The following AHRR variants were observed in gnomAD, a reference collection of about 807,000 sequenced individuals.
The protein encoded by AHRR is ahR repressor.
AHRR carries 28 observed loss-of-function variants against 44.0 expected under a neutral mutation model. The observed-to-expected ratio is 0.64, with a 90% CI of 0.47 to 0.87. The LOEUF (loss-of-function observed/expected upper bound fraction) is 0.87, where lower values mean the gene tolerates loss of function less well. Among genes scored for constraint, AHRR ranks in the 40% least tolerant of loss-of-function variants. The pLI is 0.00. For synonymous variants in AHRR, 434 were observed against 407.0 expected, an observed-to-expected ratio of 1.07 and a Z score of -0.80; for missense variants, 990 against 953.9, an observed-to-expected ratio of 1.04 and a Z score of -0.50.
chr5:407,632 C>T (rs553824780), intron 4 of AHRR, among the ~76,000 whole-genome samples: 6 of 152,270 alleles, frequency 3.9e-5, no homozygotes, highest in African/African-American at 1.4e-4. Context: ...CTCTGCCTCC[C>T]GGGCTCAAGC....
At chr5:375,877 T>A (rs192034753) in intron 3 of AHRR, among the ~76,000 whole-genome samples, 556 of 152,280 alleles carry the variant, frequency 3.7e-3, no homozygotes, top group Admixed American at 0.011. Context: ...AAGGTGAACG[T>A]GTCATCTGTC....
At chr5:386,585 C>G (rs1357737033) in intron 4 of AHRR, among the ~76,000 whole-genome samples, 1 of 152,236 alleles carries the variant, frequency 6.6e-6, no homozygotes, top group Non-Finnish European at 1.5e-5. Context: ...GGAAAAGCAG[C>G]AAGATGGTTC....
intron 2 of AHRR, among the ~76,000 whole-genome samples, chr5:348,880 AG>A (rs1398203418): frequency 1.3e-5 from 2 of 152,252 alleles, no homozygotes; most frequent in Non-Finnish European, 2.9e-5. Context: ...GTGACACAGC[AG>A]GTGCACGTTT....
rs149625880 is a variant in AHRR at position 382,891 on chromosome 5, T to C, written c.351+6175T>C. 3.6e-3 allele frequency among the ~76,000 whole-genome samples: 552 copies of C among 152,310 alleles called. 6 individuals carry two copies. The highest frequency in any genetic ancestry group is 0.019 in the East Asian group (101 of 5,186). ...TTTTTAACTAACCATTCTTACTCTG[T>C]AATATAAGCATTTAATGCTATGAGC... On this transcript the variant is annotated intron_variant, in intron 4 of 10. Coordinates refer to ENST00000684583, the MANE Select transcript of AHRR (RefSeq NM_001377236.1).
At chr5:340,688 A>ATATATATATATATATATTTTTT (rs1269938749) in intron 1 of AHRR, among the ~76,000 whole-genome samples, 2 of 12,928 alleles carry the variant, frequency 1.5e-4, no homozygotes, top group Non-Finnish European at 2.5e-4. Context: ...ATATATATAT[A>ATATATATATATATATATTTTTT]TTTTTTTTTT....
At chr5:382,268 A>G (rs1308957306) in intron 4 of AHRR, among the ~76,000 whole-genome samples, 33 of 152,250 alleles carry the variant, frequency 2.2e-4, no homozygotes, top group Non-Finnish European at 1.5e-5. Flanking sequence ...AATGTTTGGT[A>G]GAATTCATTA....
chr5:430,799 C>T (rs1448306911), intron 8 of AHRR, among the ~76,000 whole-genome samples: 5 of 152,186 alleles, frequency 3.3e-5, no homozygotes, highest in African/African-American at 1.2e-4. Context: ...GCTCCAGGGA[C>T]GGCCAGGACA....
In AHRR at chr5:367,831, G is replaced by C. The variant is rs1743416757; in HGVS notation, c.245-8779G>C. On this transcript the variant is annotated intron_variant, in intron 3 of 10. Coordinates refer to ENST00000684583, the MANE Select transcript of AHRR (RefSeq NM_001377236.1). ...AGGACAGGGGTTGGCAGTGGCAGAT[G>C]CCGAAGATGTGGATGACCACACGGG... 1.7e-5 allele frequency: 12 copies of C among 702,540 alleles called. No homozygotes were observed. In the South Asian group the frequency reaches 1.8e-4, roughly 10 times the overall value. The allele number at this position is 702,540 out of a possible 1,614,324, so 43.5% of individuals were successfully genotyped here.
intron 4 of AHRR, among the ~76,000 whole-genome samples, chr5:391,389 A>C (rs565490966): frequency 0.051 from 4,058 of 79,870 alleles, 71 homozygotes; most frequent in African/African-American, 0.12. Flanking sequence ...CAGGGCGAGG[A>C]GGGCGCAGGG....
chr5:432,930 C>T lies in AHRR; in HGVS notation c.1095C>T (p.Asp365=). The part of the protein sequence containing the change: ...CLRGGPDLVL[D]PKGGSGDREE... ...GGGGTGGCCCTGACCTTGTCCTTGA[C>T]CCCAAGGGGGGCTCAGGGTAAGTGG... The change falls in exon 10 of 11, where the codon GAC becomes GAT. Residue 365 remains aspartate, a synonymous_variant. Transcript: ENST00000684583. 2 of 1,608,650 alleles carry T rather than the reference C, an allele frequency of 1.2e-6. No individual in the cohort carries two copies. The highest frequency in any genetic ancestry group is 1.7e-6 in the Non-Finnish European group (2 of 1,177,222).
chr5:386,638 C>T (rs188542464), intron 4 of AHRR, among the ~76,000 whole-genome samples: 2 of 152,356 alleles, frequency 1.3e-5, no homozygotes, highest in Admixed American at 6.5e-5. Context: ...TGGGGCTCCT[C>T]GCTTTAGCCC....
intron 5 of AHRR, 85 bp from the exon 6 acceptor site, chr5:422,644 G>C (rs1736182336): frequency 1.3e-6 from 2 of 1,592,234 alleles, no homozygotes; most frequent in Non-Finnish European, 1.7e-6. Flanking sequence ...AAGTGGAGTG[G>C]AAATTTTTCG....
Position 406,180 on chromosome 5 carries a change from TG to T in AHRR, c.352-7161del, listed in dbSNP as rs750269361. Among the ~76,000 whole-genome samples the T allele has an allele frequency of 9.2e-5, 14 of 152,348 alleles. No homozygotes were observed. On this transcript the variant is annotated intron_variant, in intron 4 of 10. Transcript: ENST00000684583. The surrounding 1 kb of genome is among the most constrained non-coding windows in gnomAD (Gnocchi z 4.7). ...GATGGGAACCTGCCACAGCTGGGCTTGGGCGAGGGGCCCACGGTGTCGCTGG... is the reference window on the plus strand; with the variant it reads ...GATGGGAACCTGCCACAGCTGGGCTTGGCGAGGGGCCCACGGTGTCGCTGG...
chr5:361,585 G>T (rs1188723366), intron 3 of AHRR, among the ~76,000 whole-genome samples: 1 of 152,164 alleles, frequency 6.6e-6, no homozygotes, highest in Non-Finnish European at 1.5e-5. Flanking sequence ...AAGAGGCCGG[G>T]CCTCTGGGCA....
At chr5:329,858 G>GT (rs766995172) in intron 1 of AHRR, among the ~76,000 whole-genome samples, 13 of 152,094 alleles carry the variant, frequency 8.5e-5, no homozygotes, top group East Asian at 1.9e-4. Context: ...AAATCTAAGA[G>GT]TTTTTTTGGT....
At chr5:379,270 G>T (rs112361122) in intron 4 of AHRR, among the ~76,000 whole-genome samples, 1 of 152,158 alleles carries the variant, frequency 6.6e-6, no homozygotes, top group African/African-American at 2.4e-5. Context: ...GCTGCGGGCC[G>T]CTGGTTTGTT....
chr5:401,720 AC>A (rs1185470703), intron 4 of AHRR, among the ~76,000 whole-genome samples: 1 of 152,158 alleles, frequency 6.6e-6, no homozygotes, highest in Non-Finnish European at 1.5e-5. Flanking sequence ...CTTCTGAGTC[AC>A]CGTTTCTCCC....
intron 2 of AHRR, 108 bp downstream of exon 2, chr5:344,072 T>TTCGG: frequency 8.0e-7 from 1 of 1,242,438 alleles, no homozygotes; most frequent in East Asian, 3.1e-5. Flanking sequence ...CGAGGAAGGC[T>TTCGG]TCGGGAGCCG....
chr5:415,050 G>A (rs1735661944), intron 5 of AHRR, among the ~76,000 whole-genome samples: 1 of 152,242 alleles, frequency 6.6e-6, no homozygotes, highest in Non-Finnish European at 1.5e-5. Context: ...CCATGGCCGG[G>A]GCAGTGGAGA....
Sources: gnomAD v4.1 joint callset for allele counts (sites outside exome capture counted in the v4.1 genomes callset) on GRCh38, gnomAD v4.1.1 for gene constraint, Gnocchi (gnomAD v3.1) non-coding constraint, MANE v1.5 for transcripts, NCBI Gene and HGNC (gene_info 2026-07-23, HGNC 2026-07-21) for gene names.